Variants in ZUP1 observed in about 807,000 individuals in gnomAD.
The protein encoded by ZUP1 is zinc finger-containing ubiquitin peptidase 1.
In ZUP1, 55 loss-of-function variants were observed where a neutral mutation model predicts 68.1. The observed-to-expected ratio is 0.81, with a 90% CI of 0.65 to 1.01. The LOEUF is 1.01. Among genes scored for constraint, ZUP1 ranks in the 50% least tolerant of loss-of-function variants. The probability of loss-of-function intolerance (pLI) is 0.00; values close to 1 mark genes in which losing one functional copy is unlikely to be tolerated. For missense variants in ZUP1, 684 were observed against 674.9 expected, an observed-to-expected ratio of 1.01 and a Z score of -0.15; for synonymous variants, 223 against 221.5, an observed-to-expected ratio of 1.01 and a Z score of -0.06.
At chr6:116,644,417 T>G (rs1003360633) in intron 9 of ZUP1, among the ~76,000 whole-genome samples, 3 of 152,122 alleles carry the variant, frequency 2.0e-5, no homozygotes, top group Non-Finnish European at 4.4e-5. Flanking sequence ...CTATTCACAA[T>G]AGCAAAGACT....
intron 2 of ZUP1, 43 bp downstream of exon 2, chr6:116,666,591 T>C: frequency 1.4e-6 from 2 of 1,469,538 alleles, no homozygotes; most frequent in South Asian, 3.0e-5. Flanking sequence ...CATATTAAAT[T>C]GAGGCTGTAA....
At chr6:116,663,777 T>C (rs761885655) in intron 2 of ZUP1, among the ~76,000 whole-genome samples, 16 of 151,098 alleles carry the variant, frequency 1.1e-4, no homozygotes, top group Admixed American at 6.6e-4. Context: ...CTCATTTCTA[T>C]TAAATATTAA....
chr6:116,654,376 G>C (rs1045508782), intron 5 of ZUP1, among the ~76,000 whole-genome samples: 2 of 151,840 alleles, frequency 1.3e-5, no homozygotes, highest in Non-Finnish European at 2.9e-5. Context: ...TTATAAACAA[G>C]GAGAAAATAA....
intron 3 of ZUP1, among the ~76,000 whole-genome samples, chr6:116,659,250 C>A (rs1776763814): frequency 6.6e-6 from 1 of 152,166 alleles, no homozygotes; most frequent in African/African-American, 2.4e-5. Context: ...CTGCTGCAGC[C>A]TCCTGAGTAG....
At chr6:116,655,091 A>T (rs543050997) in intron 5 of ZUP1, among the ~76,000 whole-genome samples, 1 of 152,082 alleles carries the variant, frequency 6.6e-6, no homozygotes, top group African/African-American at 2.4e-5. Flanking sequence ...TGAAAACAAG[A>T]TAAGTTAGCT....
At chr6:116,638,429 T>A (rs533897073) in intron 9 of ZUP1, among the ~76,000 whole-genome samples, 1 of 152,320 alleles carries the variant, frequency 6.6e-6, no homozygotes, top group East Asian at 1.9e-4. Context: ...TTTTCTGGAA[T>A]ATTGTGCTCA....
In ZUP1 at chr6:116,641,027, G is replaced by A. The variant is rs576307612; in HGVS notation, c.1689+4687C>T. Among the ~76,000 whole-genome samples the A allele has an allele frequency of 1.9e-4, 29 of 150,438 alleles. No individual in the cohort carries two copies. In the South Asian group the frequency reaches 4.3e-3, roughly 22 times the overall value. ...AGCAAATGGAAAAGAAAAAAAGGCA[G>A]GGGTTGCAATCCTAGTCTCTGATAA... is the stretch of plus-strand genomic sequence containing the variant. On this transcript the variant is annotated intron_variant, in intron 9 of 9. Coordinates refer to ENST00000368576, the MANE Select transcript of ZUP1 (RefSeq NM_145062.3).
Position 116,666,922 on chromosome 6 carries a change from T to A in ZUP1, c.271A>T (p.Ile91Phe). 6.2e-7 allele frequency: 1 copy of A among 1,613,232 alleles called. No individual in the cohort carries two copies. The change falls in exon 2 of 10, where the codon ATT (isoleucine) becomes TTT (phenylalanine). Residue 91 changes from isoleucine to phenylalanine, a missense_variant. Transcript: ENST00000368576. Reference protein sequence around the residue: ...LQCGMEVNSSILSGCASNHPK... With the variant: ...LQCGMEVNSSFLSGCASNHPK... ...TGATTAGATGCACAACCTGAAAGAA[T>A]ACTTGAATTAACTTCCATTCCACAC...
At chr6:116,651,020 A>C (rs750393432) in intron 7 of ZUP1, among the ~76,000 whole-genome samples, 8 of 152,226 alleles carry the variant, frequency 5.3e-5, no homozygotes, top group Admixed American at 2.0e-4. Context: ...AGAATGCTCA[A>C]GAAGGATGTG....
At chr6:116,650,156 C>T (rs991151144) in intron 7 of ZUP1, among the ~76,000 whole-genome samples, 3 of 152,140 alleles carry the variant, frequency 2.0e-5, no homozygotes, top group African/African-American at 7.2e-5. Flanking sequence ...GGCGCCGTGG[C>T]TCAAGCCTGT....
intron 9 of ZUP1, among the ~76,000 whole-genome samples, chr6:116,637,060 A>AT (rs1475262170): frequency 6.6e-6 from 1 of 152,144 alleles, no homozygotes; most frequent in Non-Finnish European, 1.5e-5. Flanking sequence ...GTAAGATTAA[A>AT]TTTTTTTCAT....
At chr6:116,635,912 CTATAA>C (rs1284251282) in intron 9 of ZUP1, 33 bp from the exon 10 acceptor site, 1 of 1,476,230 alleles carries the variant, frequency 6.8e-7, no homozygotes. Context: ...CAATTTTAAG[CTATAA>C]GTCAATTAAT....
At chr6:116,664,638 C>A (rs190418717) in intron 2 of ZUP1, among the ~76,000 whole-genome samples, 90 of 152,174 alleles carry the variant, frequency 5.9e-4, no homozygotes, top group Admixed American at 1.4e-3. Context: ...GAAAAACTGT[C>A]CTATCTGATG....
rs1398796854 is a variant in ZUP1, at chr6:116,660,882, T to C, written c.560-36A>G. 5 of 1,250,172 alleles carry C rather than the reference T, an allele frequency of 4.0e-6. No homozygotes were observed. The East Asian group carries it at 1.3e-4, about 33-fold the overall frequency. 77.4% of individuals were successfully genotyped at this position (1,250,172 alleles called of 1,614,324 possible). ...GATATAATTAAGTTGTTTTTATTTT[T>C]TTATTTTAATTTTTTTCTTTGCTTT... On this transcript the variant is annotated intron_variant, in intron 2 of 9. Transcript: ENST00000368576.
At chr6:116,642,099 A>G (rs534589333) in intron 9 of ZUP1, among the ~76,000 whole-genome samples, 1 of 152,200 alleles carries the variant, frequency 6.6e-6, no homozygotes, top group East Asian at 1.9e-4. Flanking sequence ...AAATGGATAA[A>G]TTCCTCGAAA....
rs368337090 is a variant in ZUP1, at chr6:116,652,139, G to A, written c.1015C>T (p.Arg339Trp). The A allele has an allele frequency of 1.5e-4, 238 of 1,613,896 alleles. 2 individuals carry two copies. In the East Asian group the frequency reaches 2.1e-3, roughly 14 times the overall value. The change falls in exon 6 of 10, where the codon CGG (arginine) becomes TGG (tryptophan). Residue 339 changes from arginine (R) to tryptophan (W), a missense_variant. By Grantham distance (101) the Arg-to-Trp change is moderately radical. Transcript: ENST00000368576. ...TCCACCACTGAAGAAAGCCACACCC[G>A]TCTCACATCTGTGGCAGCATTCTGA... ...YYQNAATDVRRVWLSSVVDHF... is the reference protein window; with the variant it reads ...YYQNAATDVRWVWLSSVVDHF...
intron 7 of ZUP1, among the ~76,000 whole-genome samples, chr6:116,651,319 A>G (rs889320901): frequency 6.6e-6 from 1 of 152,202 alleles, no homozygotes; most frequent in Non-Finnish European, 1.5e-5. Flanking sequence ...AGACTATCTG[A>G]AACTCATAAA....
chr6:116,649,679 G>A (rs1161695307), intron 7 of ZUP1, among the ~76,000 whole-genome samples: 2 of 152,100 alleles, frequency 1.3e-5, no homozygotes, highest in Non-Finnish European at 2.9e-5. Flanking sequence ...ATAACTTCTG[G>A]GAAAAGATCT....
At chr6:116,638,840 A>T (rs1775986193) in intron 9 of ZUP1, among the ~76,000 whole-genome samples, 2 of 152,192 alleles carry the variant, frequency 1.3e-5, no homozygotes, top group African/African-American at 2.4e-5. Context: ...TGGGCGCAGG[A>T]CAGTGGGTGC....
Sources: allele counts gnomAD v4.1 joint callset (sites outside exome capture counted in the v4.1 genomes callset), GRCh38; gene constraint gnomAD v4.1.1; transcripts MANE v1.5; gene names NCBI Gene and HGNC (gene_info 2026-07-23, HGNC 2026-07-21).